TCN2: variants seen among roughly 807,000 people sequenced by gnomAD.
TCN2 encodes transcobalamin-2.
TCN2 carries 34 observed loss-of-function variants against 48.6 expected under a neutral mutation model. The ratio of observed to expected loss-of-function variants is 0.70; its 90% CI spans 0.53 to 0.93. The LOEUF is 0.93. Among genes scored for constraint, TCN2 ranks in the 40% least tolerant of loss-of-function variants. The pLI is 0.00. For synonymous variants in TCN2, 283 were observed against 212.5 expected, an observed-to-expected ratio of 1.33 and a Z score of -2.89; for missense variants, 652 against 526.1, an observed-to-expected ratio of 1.24 and a Z score of -2.34.
At chr22:30,614,237 C>T in intron 3 of TCN2, 112 bp from the exon 4 acceptor site, 3 of 1,393,998 alleles carry the variant, frequency 2.2e-6, no homozygotes, top group Non-Finnish European at 3.0e-6. Context: ...AATGAAGGAT[C>T]CCATGACCCA....
In TCN2 at chr22:30,626,733, G is replaced by A. The variant is rs549184880; in HGVS notation, c.*212G>A. 3.6e-5 allele frequency: 23 copies of A among 633,652 alleles called. No homozygotes were observed. Among genetic ancestry groups the A allele is most frequent in the African/African-American group, 3.2e-4 (18 of 55,442 alleles). 39.3% of individuals were successfully genotyped at this position (633,652 alleles called of 1,614,324 possible). A position where few individuals can be genotyped will look rare whatever the true frequency, so the allele number is the denominator to read the frequency against. ...GAGAGCCAAGCATCTTCCCTGGGAAGTCTTTCTGGCCAAGTCTGGCCAGCC... is the reference window on the plus strand; with the variant it reads ...GAGAGCCAAGCATCTTCCCTGGGAAATCTTTCTGGCCAAGTCTGGCCAGCC... On this transcript the variant is annotated 3_prime_UTR_variant, in exon 9 of 9. Transcript: ENST00000215838.
rs549639006 is a variant in TCN2, at chr22:30,616,725, T to C, written c.941-605T>C. Among the ~76,000 whole-genome samples, 15 of 152,174 alleles carry C rather than the reference T, an allele frequency of 9.9e-5. No individual in the cohort carries two copies. In the East Asian group the frequency reaches 2.9e-3, roughly 29 times the overall value. On this transcript the variant is annotated intron_variant, in intron 6 of 8. Transcript: ENST00000215838. The stretch of plus-strand genomic sequence containing the variant: ...CTGAGCCACAAGAATCACTTGAACC[T>C]GGGAGACAGAGGTTGCAGTGAGCCG...
At chr22:30,614,606 GCT>G in intron 4 of TCN2, 105 bp downstream of exon 4, 7 of 1,509,094 alleles carry the variant, frequency 4.6e-6, no homozygotes, top group Non-Finnish European at 6.3e-6. Flanking sequence ...TTTCCTTGGG[GCT>G]CCTCCGAATC....
rs1342668916 is a variant in TCN2 at position 30,625,619 on chromosome 22, AG to A, written c.1223-840del. Reference sequence around the variant, plus strand: ...GTGTGACCATAGGCCCATGGCACAAAGCCCAGCTAATTTTTTGTATTTTTAG... The same window carrying A: ...GTGTGACCATAGGCCCATGGCACAAACCCAGCTAATTTTTTGTATTTTTAG... On this transcript the variant is annotated intron_variant, in intron 8 of 8. Coordinates refer to ENST00000215838, the MANE Select transcript of TCN2 (RefSeq NM_000355.4). Among the ~76,000 whole-genome samples, 3 of 152,150 alleles carry A rather than the reference AG, an allele frequency of 2.0e-5. No individual in the cohort carries two copies. The East Asian group carries it at 5.8e-4, about 30-fold the overall frequency.
At chr22:30,617,655 T>A in intron 7 of TCN2, 160 bp downstream of exon 7, 1 of 991,246 alleles carries the variant, frequency 1.0e-6, no homozygotes, top group Non-Finnish European at 1.5e-6. Context: ...CACGGTGTTA[T>A]GGAAACAGGG....
chr22:30,618,261 T>C (rs570754136), intron 7 of TCN2, among the ~76,000 whole-genome samples: 16 of 111,704 alleles, frequency 1.4e-4, no homozygotes, highest in African/African-American at 6.6e-4. Context: ...GAATAATAAC[T>C]GGTTTTTTTT....
chr22:30,615,292 C>T lies in TCN2; in HGVS notation c.581-9C>T, dbSNP rs775953548. 8 of 1,614,180 alleles carry T rather than the reference C, an allele frequency of 5.0e-6. No individual in the cohort carries two copies. The highest frequency in any genetic ancestry group is 1.6e-4 in the Middle Eastern group (1 of 6,062). Reference sequence around the variant, plus strand: ...CCAGCTCATTGCATGTTCTGTCCCCCACTTCAAGACACAGCAGCCATGGCA... The same window carrying T: ...CCAGCTCATTGCATGTTCTGTCCCCTACTTCAAGACACAGCAGCCATGGCA... On this transcript the variant is annotated splice_polypyrimidine_tract_variant and intron_variant, in intron 4 of 8. Transcript: ENST00000215838.
At chr22:30,625,986 A>G (rs1188001549) in intron 8 of TCN2, among the ~76,000 whole-genome samples, 1 of 152,168 alleles carries the variant, frequency 6.6e-6, no homozygotes, top group African/African-American at 2.4e-5. Context: ...TGCAGGCTGC[A>G]TTCCCACATC....
chr22:30,610,871 A>G lies in TCN2; in HGVS notation c.65A>G (p.Glu22Gly), dbSNP rs767065449. The G allele has an allele frequency of 3.1e-6, 5 of 1,614,194 alleles. No individual in the cohort carries two copies. In the East Asian group the frequency reaches 1.1e-4, roughly 36 times the overall value. Residue 22 changes from glutamate (E) to glycine (G), a missense_variant and splice_region_variant, in exon 2 of 9, where the codon GAA becomes GGA. Transcript: ENST00000215838. ...CATTTGTACCATTTTCTTTTCTAAGAAATACCAGAGATGGACAGCCATCTG... is the reference window on the plus strand; with the variant it reads ...CATTTGTACCATTTTCTTTTCTAAGGAATACCAGAGATGGACAGCCATCTG... ...GVLGALTEMCEIPEMDSHLVE... is the reference protein window; with the variant it reads ...GVLGALTEMCGIPEMDSHLVE...
chr22:30,614,539 T>TC (rs776989111), intron 4 of TCN2, 38 bp downstream of exon 4: 2 of 1,612,854 alleles, frequency 1.2e-6, no homozygotes, highest in Non-Finnish European at 1.7e-6. Context: ...AGGCTGGCAC[T>TC]CCCTCAGTCC....
chr22:30,612,252 A>AAT (rs1555894729), intron 2 of TCN2, among the ~76,000 whole-genome samples: 1 of 151,880 alleles, frequency 6.6e-6, no homozygotes, highest in African/African-American at 2.4e-5. Flanking sequence ...CAGTAAAAAA[A>AAT]AAAAATAAAA....
At chr22:30,620,344 C>A (rs192252001) in intron 7 of TCN2, among the ~76,000 whole-genome samples, 1 of 152,320 alleles carries the variant, frequency 6.6e-6, no homozygotes, top group African/African-American at 2.4e-5. Context: ...AAATCCCCAA[C>A]AACTTTATAA....
intron 6 of TCN2, among the ~76,000 whole-genome samples, chr22:30,616,304 C>T (rs1055056539): frequency 1.4e-4 from 21 of 151,402 alleles, no homozygotes; most frequent in African/African-American, 4.1e-4. Context: ...GCTAACATGG[C>T]GAAACTCCAT....
At chr22:30,621,399 C>T (rs1042042666) in intron 7 of TCN2, among the ~76,000 whole-genome samples, 1 of 152,192 alleles carries the variant, frequency 6.6e-6, no homozygotes, top group East Asian at 1.9e-4. Flanking sequence ...GTTCACATCA[C>T]TTCCCTGTTA....
rs750481925 is a variant in TCN2, at chr22:30,615,298, A to G, written c.581-3A>G. On this transcript the variant is annotated splice_region_variant and splice_polypyrimidine_tract_variant and intron_variant, in intron 4 of 8. Coordinates refer to ENST00000215838, the MANE Select transcript of TCN2 (RefSeq NM_000355.4). ...CATTGCATGTTCTGTCCCCCACTTCAAGACACAGCAGCCATGGCAGGCTTG... is the reference window on the plus strand; with the variant it reads ...CATTGCATGTTCTGTCCCCCACTTCGAGACACAGCAGCCATGGCAGGCTTG... 5.6e-6 allele frequency: 9 copies of G among 1,614,024 alleles called. No individual in the cohort carries two copies. Among genetic ancestry groups the G allele is most frequent in the Non-Finnish European group, 7.6e-6 (9 of 1,179,984 alleles).
At chr22:30,609,850 C>T (rs915380682) in intron 1 of TCN2, among the ~76,000 whole-genome samples, 14 of 152,154 alleles carry the variant, frequency 9.2e-5, no homozygotes, top group Non-Finnish European at 1.6e-4. Context: ...CAACAGGTAT[C>T]TGGGGCTGTC....
intron 7 of TCN2, among the ~76,000 whole-genome samples, chr22:30,621,572 T>A (rs1304314826): frequency 6.6e-6 from 1 of 152,198 alleles, no homozygotes; most frequent in Non-Finnish European, 1.5e-5. Flanking sequence ...AACCTCCGCC[T>A]ACTAGGTTCA....
At chr22:30,611,141 T>C (rs774806444) in intron 2 of TCN2, 78 bp downstream of exon 2, 2 of 1,593,766 alleles carry the variant, frequency 1.3e-6, no homozygotes, top group South Asian at 2.2e-5. Flanking sequence ...TTTGGGCCTG[T>C]CACCACTTTG....
chr22:30,607,482 C>G, intron 1 of TCN2, 87 bp downstream of exon 1: 1 of 1,440,050 alleles, frequency 6.9e-7, no homozygotes, highest in Non-Finnish European at 9.7e-7. Context: ...ACTTACCTGC[C>G]CTTCTAAGCT....
Sources: allele counts gnomAD v4.1 joint callset (sites outside exome capture counted in the v4.1 genomes callset), GRCh38; gene constraint gnomAD v4.1.1; transcripts MANE v1.5; gene names NCBI Gene and HGNC (gene_info 2026-07-23, HGNC 2026-07-21).